The following CROT variants were observed in gnomAD, a reference collection of about 807,000 sequenced individuals.
The protein encoded by CROT is peroxisomal carnitine O-octanoyltransferase.
CROT carries 84 observed loss-of-function variants against 89.2 expected under a neutral mutation model. The ratio of observed to expected loss-of-function variants is 0.94; its 90% CI spans 0.79 to 1.13. The LOEUF is 1.13. CROT is among the 50% of genes most tolerant of loss of function. CROT has a pLI of 0.00. For synonymous variants in CROT, 212 were observed against 239.5 expected (o/e 0.89, Z 1.06); for missense variants, 711 against 727.8 (o/e 0.98, Z 0.27).
At chr7:87,364,671 G>A (rs1233110106) in intron 6 of CROT, among the ~76,000 whole-genome samples, 1 of 152,076 alleles carries the variant, frequency 6.6e-6, no homozygotes, top group Non-Finnish European at 1.5e-5. Flanking sequence ...CAGGAGAGGA[G>A]GAAAAATAAT....
At chr7:87,391,475 CTG>C in intron 13 of CROT, 112 bp from the exon 14 acceptor site, 1 of 953,228 alleles carries the variant, frequency 1.0e-6, no homozygotes, top group Non-Finnish European at 1.5e-6. Flanking sequence ...TCCAACCTAT[CTG>C]TGTTAAAGGG....
chr7:87,388,002 C>A (rs1257319053), intron 13 of CROT, among the ~76,000 whole-genome samples: 1 of 152,166 alleles, frequency 6.6e-6, no homozygotes, highest in East Asian at 1.9e-4. Context: ...TGTCCACAGT[C>A]AAATGCACAG....
At chr7:87,354,192 C>T (rs146484461) in intron 3 of CROT, among the ~76,000 whole-genome samples, 110 of 152,274 alleles carry the variant, frequency 7.2e-4, no homozygotes, top group Middle Eastern at 3.4e-3. Flanking sequence ...CAGAAGGTTA[C>T]ATGATGTAAA....
intron 10 of CROT, among the ~76,000 whole-genome samples, chr7:87,379,175 G>A (rs754127280): frequency 2.6e-5 from 4 of 152,088 alleles, no homozygotes; most frequent in Non-Finnish European, 4.4e-5. Flanking sequence ...CCTGTCTGCT[G>A]CAGTTGGTTA....
At position 87,358,252 on chromosome 7, in the gene CROT, T is replaced by C. The variant is rs7784627; in HGVS notation, c.116-954T>C. Reference sequence around the variant, plus strand: ...TAGCACTTTGGGAGGCGGAGGCAGGTAGATCACGAGGTCAGGAGATCGAGA... The same window carrying C: ...TAGCACTTTGGGAGGCGGAGGCAGGCAGATCACGAGGTCAGGAGATCGAGA... On this transcript the variant is annotated intron_variant, in intron 3 of 17. Transcript: ENST00000331536. 7.4e-3 allele frequency among the ~76,000 whole-genome samples: 1,114 copies of C among 151,058 alleles called. 11 individuals are homozygous for C. Among genetic ancestry groups the C allele is most frequent in the African/African-American group, 0.025 (1,043 of 41,146 alleles).
At chr7:87,347,752 T>G (rs751320593) in intron 2 of CROT, among the ~76,000 whole-genome samples, 2 of 152,214 alleles carry the variant, frequency 1.3e-5, no homozygotes, top group Admixed American at 1.3e-4. Flanking sequence ...AGGGAGATTC[T>G]GCAATCCTGC....
intron 13 of CROT, among the ~76,000 whole-genome samples, chr7:87,386,978 CT>C (rs1481691359): frequency 6.6e-6 from 1 of 152,092 alleles, no homozygotes; most frequent in African/African-American, 2.4e-5. Context: ...CTTGATCTCA[CT>C]TCTTTCAGTG....
intron 13 of CROT, among the ~76,000 whole-genome samples, 184 bp from the exon 14 acceptor site, chr7:87,391,405 C>T (rs1397268953): frequency 6.6e-6 from 1 of 152,186 alleles, no homozygotes; most frequent in East Asian, 1.9e-4. Flanking sequence ...AAACAGCCCA[C>T]ATTATCAGAG....
At chr7:87,356,020 A>T (rs1266755127) in intron 3 of CROT, among the ~76,000 whole-genome samples, 1 of 152,072 alleles carries the variant, frequency 6.6e-6, no homozygotes, top group Non-Finnish European at 1.5e-5. Context: ...TCTCACTGTT[A>T]CCCAGGCTGG....
chr7:87,393,203 C>T, intron 17 of CROT, 136 bp downstream of exon 17: 1 of 989,594 alleles, frequency 1.0e-6, no homozygotes. Flanking sequence ...TTTTTTTCCA[C>T]TTAGGCATTT....
intron 10 of CROT, among the ~76,000 whole-genome samples, chr7:87,380,141 A>T (rs75778555): frequency 0.016 from 1,952 of 125,806 alleles, 11 homozygotes; most frequent in Non-Finnish European, 0.02. Flanking sequence ...AAATAAGCAT[A>T]TGTACTGTAA....
rs1415603524 is a variant in CROT at position 87,382,415 on chromosome 7, A to G, written c.1173A>G (p.Ala391=). 2 of 1,610,496 alleles carry G rather than the reference A, an allele frequency of 1.2e-6. No individual in the cohort carries two copies. Among genetic ancestry groups the G allele is most frequent in the Non-Finnish European group, 1.7e-6 (2 of 1,179,074 alleles). Residue 391 remains alanine, a splice_region_variant and synonymous_variant, in exon 13 of 18, where the codon GCA becomes GCG. Transcript: ENST00000331536. ...TCTCATTTAATTCTTCTTGTTAGGC[A>G]TCTGATCTACAGATTGCGGCTTATG... ...NQAKAQYLRE[A]SDLQIAAYAF...
intron 17 of CROT, 30 bp from the exon 18 acceptor site, chr7:87,398,494 T>C (rs1257204989): frequency 6.2e-7 from 1 of 1,611,740 alleles, no homozygotes; most frequent in Non-Finnish European, 8.5e-7. Context: ...GCCTTTTGTG[T>C]AATCATTAAT....
intron 13 of CROT, among the ~76,000 whole-genome samples, chr7:87,386,523 AATTT>A (rs1462972972): frequency 2.0e-5 from 3 of 152,118 alleles, no homozygotes; most frequent in Admixed American, 6.6e-5. Context: ...TTCATCTCTG[AATTT>A]ATTTATTTGA....
At chr7:87,366,539 C>G (rs1313742458) in intron 6 of CROT, among the ~76,000 whole-genome samples, 2 of 152,144 alleles carry the variant, frequency 1.3e-5, no homozygotes, top group Admixed American at 6.6e-5. Flanking sequence ...GCTCTCATTT[C>G]CTTCAGTTTA....
chr7:87,398,134 C>G (rs115086319), intron 17 of CROT, among the ~76,000 whole-genome samples: 1,867 of 148,500 alleles, frequency 0.013, 38 homozygotes, highest in African/African-American at 0.042. Context: ...TCTTCAAGTA[C>G]TCTTTAAAAA....
At chr7:87,377,905 G>C (rs1645299188) in intron 10 of CROT, among the ~76,000 whole-genome samples, 1 of 152,066 alleles carries the variant, frequency 6.6e-6, no homozygotes, top group South Asian at 2.1e-4. Context: ...TAAAATGGCA[G>C]TTACTACCAT....
intron 13 of CROT, among the ~76,000 whole-genome samples, chr7:87,384,164 C>T (rs113751991): frequency 0.043 from 6,511 of 151,954 alleles, 453 homozygotes; most frequent in African/African-American, 0.15. Flanking sequence ...TTGCATTTCC[C>T]GATGATTAGT....
At chr7:87,347,040 G>T (rs1805704863) in intron 2 of CROT, among the ~76,000 whole-genome samples, 1 of 152,150 alleles carries the variant, frequency 6.6e-6, no homozygotes, top group African/African-American at 2.4e-5. Flanking sequence ...GCCTCTTTCA[G>T]TTCTTTAAGG....
Sources: gnomAD v4.1 joint callset for allele counts (sites outside exome capture counted in the v4.1 genomes callset) on GRCh38, gnomAD v4.1.1 for gene constraint, MANE v1.5 for transcripts, NCBI Gene and HGNC (gene_info 2026-07-23, HGNC 2026-07-21) for gene names.